ANO6: variants seen among roughly 807,000 people sequenced by gnomAD.
ANO6 encodes the protein anoctamin-6.
ANO6 carries 106 observed loss-of-function variants against 117.5 expected under a neutral mutation model. That is an observed-to-expected ratio of 0.90 (90% CI 0.77 to 1.06). ANO6 has a LOEUF of 1.06. ANO6 is among the 50% of genes least tolerant of loss of function. ANO6 has a pLI of 0.00. For missense variants in ANO6, 955 were observed against 1,121.1 expected (o/e 0.85, Z 2.12); for synonymous variants, 367 against 385.1 (o/e 0.95, Z 0.55).
intron 1 of ANO6, among the ~76,000 whole-genome samples, chr12:45,242,950 A>G (rs1020342842): frequency 4.6e-5 from 7 of 152,214 alleles, no homozygotes; most frequent in African/African-American, 1.7e-4. Context: ...AAATCTATCT[A>G]ATTTCTGCTG....
intron 1 of ANO6, among the ~76,000 whole-genome samples, chr12:45,266,656 G>A (rs757613297): frequency 2.0e-5 from 3 of 152,134 alleles, no homozygotes; most frequent in East Asian, 1.9e-4. Flanking sequence ...AATTAGCTGA[G>A]CGTGGTAGCA....
chr12:45,309,054 T>A (rs1939766874), intron 2 of ANO6, among the ~76,000 whole-genome samples: 1 of 152,084 alleles, frequency 6.6e-6, no homozygotes, highest in Non-Finnish European at 1.5e-5. Context: ...AAAGAGGGAT[T>A]CTTAAATAAG....
At chr12:45,423,357 G>T (rs1186780003) in intron 19 of ANO6, among the ~76,000 whole-genome samples, 1 of 152,192 alleles carries the variant, frequency 6.6e-6, no homozygotes, top group Non-Finnish European at 1.5e-5. Flanking sequence ...AAGGGCTTAT[G>T]CAAGATGGGT....
chr12:45,263,337 T>A (rs959218990), intron 1 of ANO6, among the ~76,000 whole-genome samples: 10 of 147,764 alleles, frequency 6.8e-5, no homozygotes, highest in Non-Finnish European at 1.5e-4. Context: ...CCTGAATAGC[T>A]GGGACTACAA....
At chr12:45,362,139 T>TG (rs1275365984) in intron 8 of ANO6, among the ~76,000 whole-genome samples, 1 of 152,076 alleles carries the variant, frequency 6.6e-6, no homozygotes, top group Non-Finnish European at 1.5e-5. Flanking sequence ...CAGGAATTAT[T>TG]TTTTTTCTGT....
chr12:45,337,220 A>G (rs756157797), intron 3 of ANO6, among the ~76,000 whole-genome samples: 4 of 152,094 alleles, frequency 2.6e-5, no homozygotes, highest in Non-Finnish European at 5.9e-5. Context: ...AGCAACTTCC[A>G]TGCCTGCAAG....
chr12:45,405,943 A>T (rs1439482524), intron 15 of ANO6, among the ~76,000 whole-genome samples: 1 of 152,150 alleles, frequency 6.6e-6, no homozygotes, highest in Non-Finnish European at 1.5e-5. Flanking sequence ...TATCCTTTCT[A>T]TCCAAAACTA....
rs116530083 is a variant in ANO6 at position 45,302,989 on chromosome 12, T to C, written c.150+896T>C. Among the ~76,000 whole-genome samples the C allele has an allele frequency of 6.3e-3, 959 of 152,286 alleles. 6 individuals carry two copies. Among genetic ancestry groups the C allele is most frequent in the African/African-American group, 0.021 (883 of 41,560 alleles). On this transcript the variant is annotated intron_variant, in intron 2 of 19. Transcript: ENST00000320560. ...TGGCAGAGCACAATTGTATTATTGG[T>C]AAAGACCAAAAAAACCTCATTATGT...
intron 1 of ANO6, among the ~76,000 whole-genome samples, chr12:45,242,469 A>G (rs1947760651): frequency 6.6e-6 from 1 of 152,244 alleles, no homozygotes; most frequent in South Asian, 2.1e-4. Flanking sequence ...TTTTCCAGGT[A>G]CAGACTGTCG....
intron 1 of ANO6, among the ~76,000 whole-genome samples, chr12:45,256,127 C>A (rs1592880126): frequency 6.6e-6 from 1 of 152,096 alleles, no homozygotes; most frequent in South Asian, 2.1e-4. Flanking sequence ...TCCAGCCTCT[C>A]CCTATGATCT....
chr12:45,338,204 T>G (rs1316801518), intron 3 of ANO6, among the ~76,000 whole-genome samples: 1 of 152,076 alleles, frequency 6.6e-6, no homozygotes, highest in Non-Finnish European at 1.5e-5. Context: ...CAAAACTGGT[T>G]GTTCCAAAGC....
chr12:45,334,044 T>G (rs75691366), intron 3 of ANO6, among the ~76,000 whole-genome samples: 1,977 of 152,158 alleles, frequency 0.013, 35 homozygotes, highest in African/African-American at 0.046. Flanking sequence ...TATCATCCTT[T>G]GAGCAAAAAG....
intron 8 of ANO6, among the ~76,000 whole-genome samples, chr12:45,364,809 CT>C (rs1941643340): frequency 6.6e-6 from 1 of 152,140 alleles, no homozygotes; most frequent in Non-Finnish European, 1.5e-5. Context: ...GCTTTTTCCT[CT>C]CTGTGTTAGG....
At chr12:45,396,949 T>A (rs931948644) in intron 12 of ANO6, among the ~76,000 whole-genome samples, 1 of 151,712 alleles carries the variant, frequency 6.6e-6, no homozygotes, top group African/African-American at 2.4e-5. Flanking sequence ...ACCAAAGCAA[T>A]AGCAACACCA....
chr12:45,318,378 G>T (rs1403680957), intron 2 of ANO6, among the ~76,000 whole-genome samples: 6 of 152,116 alleles, frequency 3.9e-5, no homozygotes, highest in Admixed American at 2.6e-4. Flanking sequence ...TATTAAATAG[G>T]GAATCCTTTC....
At chr12:45,263,530 C>T (rs1434114771) in intron 1 of ANO6, among the ~76,000 whole-genome samples, 7 of 151,978 alleles carry the variant, frequency 4.6e-5, no homozygotes, top group African/African-American at 1.7e-4. Context: ...CCTTTTAGGA[C>T]ACTAATAATT....
At chr12:45,251,326 A>G (rs903054508) in intron 1 of ANO6, among the ~76,000 whole-genome samples, 6 of 152,232 alleles carry the variant, frequency 3.9e-5, no homozygotes, top group African/African-American at 1.4e-4. Flanking sequence ...ACTGCATGGC[A>G]AACTATACTA....
chr12:45,391,535 T>C (rs1334986002), intron 12 of ANO6, among the ~76,000 whole-genome samples: 1 of 152,140 alleles, frequency 6.6e-6, no homozygotes, highest in African/African-American at 2.4e-5. Context: ...AAAGTCTTAC[T>C]TTAAACCATA....
intron 1 of ANO6, among the ~76,000 whole-genome samples, chr12:45,269,176 C>G (rs1385482337): frequency 6.6e-6 from 1 of 152,182 alleles, no homozygotes. Context: ...TGCCATAGTG[C>G]AGATGTTCTT....
Sources: allele counts gnomAD v4.1 joint callset (sites outside exome capture counted in the v4.1 genomes callset), GRCh38; gene constraint gnomAD v4.1.1; transcripts MANE v1.5; gene names NCBI Gene and HGNC (gene_info 2026-07-23, HGNC 2026-07-21).